Variants in ADAM19 observed in about 807,000 individuals in gnomAD.
The protein encoded by ADAM19 is disintegrin and metalloproteinase domain-containing protein 19.
ADAM19 carries 65 observed loss-of-function variants against 114.7 expected under a neutral mutation model. The observed-to-expected ratio is 0.57, with a 90% confidence interval of 0.46 to 0.70. The LOEUF (loss-of-function observed/expected upper bound fraction) is 0.70, where lower values mean the gene tolerates loss of function less well. Ranked by LOEUF, ADAM19 falls within the 30% of genes least tolerant of loss-of-function variation. The pLI is 0.00. For missense variants in ADAM19, 1,063 were observed against 1,204.7 expected (o/e 0.88, Z 1.74); for synonymous variants, 466 against 460.5 (o/e 1.01, Z -0.15).
chr5:157,491,130 A>ATT (rs150437488), intron 18 of ADAM19, among the ~76,000 whole-genome samples: 1 of 150,876 alleles, frequency 6.6e-6, no homozygotes, highest in African/African-American at 2.4e-5. Flanking sequence ...GTTATTTGCT[A>ATT]TTTTTTTTAA....
At chr5:157,538,898 C>T (rs939641467) in intron 3 of ADAM19, among the ~76,000 whole-genome samples, 3 of 152,156 alleles carry the variant, frequency 2.0e-5, no homozygotes, top group African/African-American at 7.2e-5. Flanking sequence ...GGTGTGGTGG[C>T]TCACACCTGT....
At position 157,510,051 on chromosome 5, in the gene ADAM19, T is replaced by C. The variant is rs7720584; in HGVS notation, c.739-584A>G. On this transcript the variant is annotated intron_variant, in intron 8 of 22. Transcript: ENST00000257527. ...CCTTATGTGAGCCTTATCTTTCTTATGGGTATCTAAAAAGTTCTCTTGTAT... is the reference window on the plus strand; with the variant it reads ...CCTTATGTGAGCCTTATCTTTCTTACGGGTATCTAAAAAGTTCTCTTGTAT... Among the ~76,000 whole-genome samples, 1,299 of 152,352 alleles carry C rather than the reference T, an allele frequency of 8.5e-3. 11 individuals carry two copies. The highest frequency in any genetic ancestry group is 0.029 in the African/African-American group (1,194 of 41,580).
At chr5:157,571,074 G>T (rs1440014468) in intron 1 of ADAM19, 94 bp from the exon 2 acceptor site, 2 of 1,001,150 alleles carry the variant, frequency 2.0e-6, no homozygotes, top group Non-Finnish European at 3.0e-6. Flanking sequence ...CCTGCACTGG[G>T]TCATTAGAAG....
rs1298263450 is a variant in ADAM19 at position 157,479,004 on chromosome 5, G to A, written c.*1945C>T. 2 of 985,530 alleles carry A rather than the reference G, an allele frequency of 2.0e-6. No homozygotes were observed. Among genetic ancestry groups the A allele is most frequent in the Non-Finnish European group, 2.4e-6 (2 of 829,952 alleles). 61.0% of individuals were successfully genotyped at this position (985,530 alleles called of 1,614,324 possible). On this transcript the variant is annotated 3_prime_UTR_variant, in exon 23 of 23. Transcript: ENST00000257527. ...TGTTTGTTTTGCAGAGGGGTGAAAG[G>A]GGATGTTTTCACCTTTACTTTCCAG...
At chr5:157,529,498 G>A (rs1756566363) in intron 5 of ADAM19, among the ~76,000 whole-genome samples, 1 of 152,158 alleles carries the variant, frequency 6.6e-6, no homozygotes. Flanking sequence ...GGTACAGACT[G>A]TAATGGGCAC....
chr5:157,483,016 C>T (rs111713719), intron 21 of ADAM19, among the ~76,000 whole-genome samples: 2,308 of 152,110 alleles, frequency 0.015, 60 homozygotes, highest in African/African-American at 0.053. Context: ...GAAATGAGAA[C>T]ACATGGACAC....
chr5:157,477,309 T>C lies in ADAM19; in HGVS notation c.*3640A>G, dbSNP rs942880910. On this transcript the variant is annotated 3_prime_UTR_variant, in exon 23 of 23. Transcript: ENST00000257527. ...TAAAGAGCTGCCAAACCAGATAACA[T>C]TGCAAATGACAAACAATTCATTTTT... 4 of 1,002,222 alleles carry C rather than the reference T, an allele frequency of 4.0e-6. No individual in the cohort carries two copies. The highest frequency in any genetic ancestry group is 5.1e-4 in the Middle Eastern group (1 of 1,958). 62.1% of individuals were successfully genotyped at this position (1,002,222 alleles called of 1,614,324 possible).
chr5:157,541,356 T>C (rs1363041996), intron 3 of ADAM19, among the ~76,000 whole-genome samples: 1 of 152,216 alleles, frequency 6.6e-6, no homozygotes, highest in East Asian at 1.9e-4. Context: ...ACTCCTTTTT[T>C]CTAGCTTTAA....
chr5:157,484,601 A>T (rs1483001233), intron 21 of ADAM19, among the ~76,000 whole-genome samples: 1 of 152,210 alleles, frequency 6.6e-6, no homozygotes, highest in East Asian at 1.9e-4. Context: ...TAACACAAAG[A>T]GCCGAGATTT....
chr5:157,496,614 G>C (rs1427505933), intron 14 of ADAM19, among the ~76,000 whole-genome samples: 1 of 152,038 alleles, frequency 6.6e-6, no homozygotes, highest in Non-Finnish European at 1.5e-5. Context: ...CATAGCTTAA[G>C]GGCCATTTGC....
intron 3 of ADAM19, among the ~76,000 whole-genome samples, chr5:157,559,638 T>C (rs1182003580): frequency 6.6e-6 from 1 of 152,134 alleles, no homozygotes; most frequent in African/African-American, 2.4e-5. Context: ...GCAAACAAGT[T>C]TTTGTCAAAT....
In ADAM19 at chr5:157,509,446, G is replaced by A. The variant is rs761444652; in HGVS notation, c.760C>T (p.Arg254Trp). The change falls in exon 9 of 23, where the codon CGG (arginine) becomes TGG (tryptophan). Residue 254 changes from arginine to tryptophan, a missense_variant. By Grantham distance (101) the Arg-to-Trp change is moderately radical. Transcript: ENST00000257527. ...ACTTCCAAGCCCACGAGAGCAATCC[G>A]GATGTTCAAGGATCGGTAAAACTGA... ...VDKFYRSLNI[R>W]IALVGLEVWT... The A allele has an allele frequency of 2.4e-5, 38 of 1,599,238 alleles. No individual in the cohort carries two copies. Among genetic ancestry groups the A allele is most frequent in the Non-Finnish European group, 2.8e-5 (33 of 1,171,526 alleles).
rs1754673508 is a variant in ADAM19, at chr5:157,479,037, G to A, written c.*1912C>T. On this transcript the variant is annotated 3_prime_UTR_variant, in exon 23 of 23. Coordinates refer to ENST00000257527, the MANE Select transcript of ADAM19 (RefSeq NM_033274.5). The stretch of plus-strand genomic sequence containing the variant: ...TTCACCTTTACTTTCCAGGAACCAA[G>A]CCTTGAGGCAGAGGGTAGCACATTT... The A allele has an allele frequency of 1.0e-6, 1 of 985,812 alleles. No individual in the cohort carries two copies. The allele number at this position is 985,812 out of a possible 1,614,324, so 61.1% of individuals were successfully genotyped here.
At position 157,519,850 on chromosome 5, in the gene ADAM19, G is replaced by T; in HGVS notation, c.589C>A (p.Arg197=). ...GCCTCAAAACTCACCCTGCGAGGTCGCTTCTTGGTCTGTTGTGTAAACTGA... is the reference window on the plus strand; with the variant it reads ...GCCTCAAAACTCACCCTGCGAGGTCTCTTCTTGGTCTGTTGTGTAAACTGA... ...ALQFTQQTKK[R]PRRMKREDLN... The change falls in exon 6 of 23, where the codon CGA becomes AGA. Residue 197 remains arginine, a synonymous_variant. Coordinates refer to ENST00000257527, the MANE Select transcript of ADAM19 (RefSeq NM_033274.5). 1 of 1,610,096 alleles carries T rather than the reference G, an allele frequency of 6.2e-7. No individual in the cohort carries two copies. Among genetic ancestry groups the T allele is most frequent in the African/African-American group, 1.3e-5 (1 of 74,888 alleles).
Position 157,478,914 on chromosome 5 carries a change from G to A in ADAM19, c.*2035C>T, listed in dbSNP as rs2113677768. The A allele has an allele frequency of 3.0e-6, 3 of 985,688 alleles. No individual in the cohort carries two copies. Among genetic ancestry groups the A allele is most frequent in the Middle Eastern group, 5.2e-4 (1 of 1,914 alleles). 61.1% of individuals were successfully genotyped at this position (985,688 alleles called of 1,614,324 possible). A position where few individuals can be genotyped will look rare whatever the true frequency, so the allele number is the denominator to read the frequency against. ...GAGCTATCTACCTCCTGATGTGAGG[G>A]AGAAAGGCTGGAGAAGCCACAGGAA... On this transcript the variant is annotated 3_prime_UTR_variant, in exon 23 of 23. Coordinates refer to ENST00000257527, the MANE Select transcript of ADAM19 (RefSeq NM_033274.5).
chr5:157,534,769 T>C (rs1292523869), intron 4 of ADAM19, among the ~76,000 whole-genome samples: 5 of 152,220 alleles, frequency 3.3e-5, no homozygotes, highest in East Asian at 1.9e-4. Flanking sequence ...ATTATTGCCA[T>C]GTTTTAAAGG....
intron 22 of ADAM19, chr5:157,481,537 C>T: frequency 7.2e-7 from 1 of 1,389,462 alleles, no homozygotes; most frequent in Non-Finnish European, 9.6e-7. Flanking sequence ...CTCAGGGTCC[C>T]TCCCCAGGTC....
At chr5:157,483,259 T>C (rs1343393919) in intron 21 of ADAM19, among the ~76,000 whole-genome samples, 2 of 152,222 alleles carry the variant, frequency 1.3e-5, no homozygotes, top group Non-Finnish European at 2.9e-5. Context: ...CTACTTCTTC[T>C]GACCTATGTT....
intron 3 of ADAM19, among the ~76,000 whole-genome samples, chr5:157,539,775 C>T (rs188860925): frequency 1.3e-5 from 2 of 152,322 alleles, no homozygotes; most frequent in Admixed American, 6.5e-5. Flanking sequence ...AGGAGTCACC[C>T]ATTTGCCTGA....
Sources: gnomAD v4.1 joint callset for allele counts (sites outside exome capture counted in the v4.1 genomes callset) on GRCh38, gnomAD v4.1.1 for gene constraint, MANE v1.5 for transcripts, NCBI Gene and HGNC (gene_info 2026-07-23, HGNC 2026-07-21) for gene names.